The following SOS1 variants were observed in gnomAD, a reference collection of about 807,000 sequenced individuals.
The protein encoded by SOS1 is SOS Ras/Rac guanine nucleotide exchange factor 1.
In SOS1, 25 loss-of-function variants were observed where a neutral mutation model predicts 157.6. The observed-to-expected ratio is 0.16, with a 90% CI of 0.12 to 0.22. The LOEUF (loss-of-function observed/expected upper bound fraction) is 0.22. Ranked by LOEUF, SOS1 falls within the 10% of genes least tolerant of loss-of-function variation. The pLI is 1.00. For missense variants in SOS1, 1,237 were observed against 1,599.1 expected, an observed-to-expected ratio of 0.77 and a Z score of 3.86; for synonymous variants, 528 against 534.0, an observed-to-expected ratio of 0.99 and a Z score of 0.16.
intron 8 of SOS1, among the ~76,000 whole-genome samples, chr2:39,033,823 C>T (rs1670248990): frequency 6.6e-6 from 1 of 152,108 alleles, no homozygotes; most frequent in Admixed American, 6.5e-5. Context: ...AGGCGTGTGC[C>T]AACACACCTG....
At chr2:39,002,402 T>C (rs190191534) in intron 17 of SOS1, among the ~76,000 whole-genome samples, 2,334 of 152,270 alleles carry the variant, frequency 0.015, 33 homozygotes, top group Non-Finnish European at 0.025. Context: ...TTTCAGTTTG[T>C]ATAAATAAAT....
intron 16 of SOS1, 66 bp from the exon 17 acceptor site, chr2:39,006,595 AG>A: frequency 1.2e-6 from 1 of 824,678 alleles, no homozygotes; most frequent in African/African-American, 1.7e-5. Flanking sequence ...AAAAAATACT[AG>A]GCTAACAGAA....
intron 8 of SOS1, among the ~76,000 whole-genome samples, chr2:39,032,214 G>A (rs969985841): frequency 1.3e-5 from 2 of 152,092 alleles, no homozygotes; most frequent in African/African-American, 4.8e-5. Flanking sequence ...TTACCATGAT[G>A]TACGATAGAT....
At chr2:39,013,127 G>A (rs948328072) in intron 13 of SOS1, among the ~76,000 whole-genome samples, 1 of 151,986 alleles carries the variant, frequency 6.6e-6, no homozygotes, top group African/African-American at 2.4e-5. Context: ...ATTTGCCTGT[G>A]GCCCACTCGA....
intron 8 of SOS1, among the ~76,000 whole-genome samples, chr2:39,026,813 T>C (rs1224650218): frequency 6.6e-6 from 1 of 152,194 alleles, no homozygotes; most frequent in East Asian, 1.9e-4. Context: ...GAAGAATTAT[T>C]ATCTTGGGCC....
At position 39,082,240 on chromosome 2, in the gene SOS1, T is replaced by C. The variant is rs373204886; in HGVS notation, c.88-14487A>G. Among the ~76,000 whole-genome samples, 132 of 152,282 alleles carry C rather than the reference T, an allele frequency of 8.7e-4. 3 individuals are homozygous for C. The South Asian group carries it at 0.026, about 30-fold the overall frequency. On this transcript the variant is annotated intron_variant, in intron 1 of 22. Coordinates refer to ENST00000402219, the MANE Select transcript of SOS1 (RefSeq NM_005633.4). The stretch of plus-strand genomic sequence containing the variant: ...TTTAAGACTAATTGGAAATAGTAAA[T>C]AGTTAATTATTAATATTTAATTCAT...
chr2:39,070,821 G>A (rs1195720181), intron 1 of SOS1, among the ~76,000 whole-genome samples: 22 of 152,128 alleles, frequency 1.4e-4, no homozygotes, highest in Non-Finnish European at 3.2e-4. Flanking sequence ...AGACTTAAGA[G>A]TTAAAAGGGA....
At chr2:39,024,175 A>G (rs1401254668) in intron 8 of SOS1, 38 bp from the exon 9 acceptor site, 1 of 1,551,898 alleles carries the variant, frequency 6.4e-7, no homozygotes, top group Non-Finnish European at 8.9e-7. Context: ...CCAGTAGTAC[A>G]TTTTTGGATA....
intron 20 of SOS1, 105 bp downstream of exon 20, chr2:38,995,018 T>G: frequency 1.1e-6 from 1 of 890,844 alleles, no homozygotes; most frequent in Non-Finnish European, 1.8e-6. Context: ...GCATTTGACT[T>G]AACTACAAGT....
intron 1 of SOS1, among the ~76,000 whole-genome samples, chr2:39,108,209 A>C (rs1343752809): frequency 6.6e-6 from 1 of 152,142 alleles, no homozygotes; most frequent in Non-Finnish European, 1.5e-5. Context: ...TACTGCTCTA[A>C]TCAAAGCCAC....
chr2:39,107,996 C>T (rs1212337613), intron 1 of SOS1, among the ~76,000 whole-genome samples: 1 of 152,156 alleles, frequency 6.6e-6, no homozygotes, highest in East Asian at 1.9e-4. Flanking sequence ...TCTCTCACAG[C>T]CCTCTAATCT....
chr2:39,115,737 C>T (rs1228133512), intron 1 of SOS1, among the ~76,000 whole-genome samples: 1 of 152,156 alleles, frequency 6.6e-6, no homozygotes, highest in Non-Finnish European at 1.5e-5. Context: ...CACACCCAGC[C>T]AGTTTGTTCC....
Position 38,985,924 on chromosome 2 carries a change from T to C in SOS1, c.3902A>G (p.His1301Arg), listed in dbSNP as rs771396497. ...PVPPRQSTSQ[H>R]IPKLPPKTYK... ...AGTTTTTGGAGGGAGTTTAGGGATA[T>C]GTTGAGAAGTGCTTTGTCGTGGAGG... is the stretch of plus-strand genomic sequence containing the variant. The change falls in exon 23 of 23, where the codon CAT becomes CGT. Residue 1301 changes from histidine to arginine, a missense_variant. His to Arg is a conservative substitution (Grantham distance 29). Around this residue, in one of 15 missense-constraint regions of SOS1, gnomAD observed 306 missense variants for 322.6 expected, o/e 0.95. Transcript: ENST00000402219. 3 of 1,613,818 alleles carry C rather than the reference T, an allele frequency of 1.9e-6. No individual in the cohort carries two copies. The highest frequency in any genetic ancestry group is 2.2e-5 in the East Asian group (1 of 44,892).
rs1025464996 is a variant in SOS1 at position 39,093,657 on chromosome 2, G to C, written c.88-25904C>G. Among the ~76,000 whole-genome samples, 11 of 152,356 alleles carry C rather than the reference G, an allele frequency of 7.2e-5. No homozygotes were observed. In the East Asian group the frequency reaches 2.1e-3, roughly 29 times the overall value. On this transcript the variant is annotated intron_variant, in intron 1 of 22. Coordinates refer to ENST00000402219, the MANE Select transcript of SOS1 (RefSeq NM_005633.4). ...TGTTTAGAGGAGCAAACAGCAAGGA[G>C]ACCAGTGTGACTACAGCAGAGTCAG...
rs753715070 is a variant in SOS1 at position 39,120,458 on chromosome 2, C to A, written c.-36G>T. ...GGGCGCCTCTGGGCGGGGAGAGGGGCGGCGGCGGCCGGGCCAGGGAGCCGC... is the reference window on the plus strand; with the variant it reads ...GGGCGCCTCTGGGCGGGGAGAGGGGAGGCGGCGGCCGGGCCAGGGAGCCGC... On this transcript the variant is annotated 5_prime_UTR_variant, in exon 1 of 23. Coordinates refer to ENST00000402219, the MANE Select transcript of SOS1 (RefSeq NM_005633.4). The A allele has an allele frequency of 1.3e-6, 2 of 1,528,978 alleles. No individual in the cohort carries two copies. The highest frequency in any genetic ancestry group is 1.8e-6 in the Non-Finnish European group (2 of 1,139,010). 94.7% of individuals were successfully genotyped at this position (1,528,978 alleles called of 1,614,324 possible).
At chr2:39,111,793 A>C (rs1289430661) in intron 1 of SOS1, among the ~76,000 whole-genome samples, 2 of 150,390 alleles carry the variant, frequency 1.3e-5, no homozygotes. Context: ...GCAGTGACAC[A>C]ACCTTAGCTC....
intron 8 of SOS1, among the ~76,000 whole-genome samples, chr2:39,025,335 T>C (rs1014814101): frequency 6.6e-6 from 1 of 152,128 alleles, no homozygotes; most frequent in African/African-American, 2.4e-5. Context: ...TTCAAAGTGA[T>C]TTATAAAGAA....
rs1463599736 is a variant in SOS1, at chr2:39,046,535, C to T, written c.864+4609G>A. ...TTTTTTTTTTTTTGAGACGGAGTCT[C>T]GCTCTGTCGCCCAGGCTGGAGTGCA... On this transcript the variant is annotated intron_variant, in intron 6 of 22. Coordinates refer to ENST00000402219, the MANE Select transcript of SOS1 (RefSeq NM_005633.4). Among the ~76,000 whole-genome samples the T allele has an allele frequency of 3.7e-5, 5 of 134,344 alleles. No individual in the cohort carries two copies. In the East Asian group the frequency reaches 6.4e-4, roughly 17 times the overall value. 88.1% of individuals were successfully genotyped at this position (134,344 alleles called of 152,430 possible).
Position 38,982,744 on chromosome 2 carries a change from T to C in SOS1, c.*3080A>G, listed in dbSNP as rs997552927. On this transcript the variant is annotated 3_prime_UTR_variant, in exon 23 of 23. Coordinates refer to ENST00000402219, the MANE Select transcript of SOS1 (RefSeq NM_005633.4). ...AGCTGTCATATTAGAAGACAAACAA[T>C]GAAATACAAGATTAAGCTAAACTTG... 2.6e-5 allele frequency: 4 copies of C among 152,130 alleles called. No individual in the cohort carries two copies. Among genetic ancestry groups the C allele is most frequent in the Non-Finnish European group, 2.9e-5 (2 of 68,000 alleles). 9.4% of individuals were successfully genotyped at this position (152,130 alleles called of 1,614,324 possible).
Sources: gnomAD v4.1 joint callset for allele counts (sites outside exome capture counted in the v4.1 genomes callset) on GRCh38, gnomAD v4.1.1 for gene constraint, gnomAD v4.1.1 regional missense constraint, MANE v1.5 for transcripts, NCBI Gene and HGNC (gene_info 2026-07-23, HGNC 2026-07-21) for gene names.